The following LYPD6B variants were observed in gnomAD, a reference collection of about 807,000 sequenced individuals.
LYPD6B encodes the protein LY6/PLAUR domain containing 6B, also known as ly6/PLAUR domain-containing protein 6B.
LYPD6B carries 17 observed loss-of-function variants against 22.8 expected under a neutral mutation model. The ratio of observed to expected loss-of-function variants is 0.75; its 90% CI spans 0.51 to 1.12. The LOEUF (loss-of-function observed/expected upper bound fraction) is 1.12. LYPD6B is among the 50% of genes most tolerant of loss of function. LYPD6B has a pLI of 0.00. For synonymous variants in LYPD6B, 106 were observed against 91.6 expected, an observed-to-expected ratio of 1.16 and a Z score of -0.90; for missense variants, 221 against 258.3, an observed-to-expected ratio of 0.86 and a Z score of 0.99.
In LYPD6B at chr2:149,142,067, A is replaced by G. The variant is rs1395561622; in HGVS notation, c.5+11114A>G. ...TATCATTTACCTTATGGATTCCTGT[A>G]TATGCAACCCTGCCCATGCTGCATA... is the stretch of plus-strand genomic sequence containing the variant. On this transcript the variant is annotated intron_variant, in intron 2 of 6. Transcript: ENST00000409642. The G allele has an allele frequency of 5.3e-5, 8 of 152,230 alleles. No homozygotes were observed. In the East Asian group the frequency reaches 1.5e-3, roughly 29 times the overall value. 9.4% of individuals were successfully genotyped at this position (152,230 alleles called of 1,614,324 possible).
intron 3 of LYPD6B, among the ~76,000 whole-genome samples, chr2:149,192,010 G>A (rs1692525150): frequency 6.6e-6 from 1 of 152,152 alleles, no homozygotes; most frequent in South Asian, 2.1e-4. Flanking sequence ...GGTAGAGATG[G>A]CTGAAATATT....
intron 3 of LYPD6B, among the ~76,000 whole-genome samples, chr2:149,174,681 G>A (rs183937497): frequency 2.0e-5 from 3 of 151,814 alleles, no homozygotes; most frequent in Non-Finnish European, 2.9e-5. Flanking sequence ...ATGATGAATC[G>A]CATTAATTGA....
chr2:149,090,971 C>G (rs1173076741), intron 1 of LYPD6B, among the ~76,000 whole-genome samples: 5 of 152,050 alleles, frequency 3.3e-5, no homozygotes, highest in African/African-American at 7.2e-5. Context: ...TTGTTCTGGT[C>G]CATTCAAATT....
At chr2:149,119,518 C>T (rs752762287) in intron 1 of LYPD6B, among the ~76,000 whole-genome samples, 31 of 152,174 alleles carry the variant, frequency 2.0e-4, no homozygotes, top group Non-Finnish European at 4.1e-4. Flanking sequence ...ACCTTTGTGA[C>T]GTGAACACAT....
chr2:149,067,803 T>C (rs1684409715), intron 1 of LYPD6B, among the ~76,000 whole-genome samples: 1 of 152,164 alleles, frequency 6.6e-6, no homozygotes, highest in Non-Finnish European at 1.5e-5. Flanking sequence ...ATTATCTTCT[T>C]AGTGCAACAG....
intron 2 of LYPD6B, among the ~76,000 whole-genome samples, chr2:149,150,117 C>T (rs1355044783): frequency 6.6e-6 from 1 of 151,978 alleles, no homozygotes; most frequent in Non-Finnish European, 1.5e-5. Context: ...TATATCTTCT[C>T]ACTGTACCTA....
chr2:149,181,147 G>C (rs1691688430), intron 3 of LYPD6B, among the ~76,000 whole-genome samples: 1 of 152,128 alleles, frequency 6.6e-6, no homozygotes, highest in African/African-American at 2.4e-5. Flanking sequence ...CCCTTCATCT[G>C]TTGGAACTCC....
intron 2 of LYPD6B, among the ~76,000 whole-genome samples, chr2:149,157,934 C>T (rs985628598): frequency 1.3e-5 from 2 of 152,096 alleles, no homozygotes; most frequent in Admixed American, 6.6e-5. Flanking sequence ...ATCACTGGGT[C>T]GGGGGTCAGG....
intron 1 of LYPD6B, among the ~76,000 whole-genome samples, chr2:149,087,383 A>C (rs1462273964): frequency 6.6e-6 from 1 of 152,154 alleles, no homozygotes; most frequent in Non-Finnish European, 1.5e-5. Flanking sequence ...TATGTAAAGG[A>C]AGCAGTCATT....
intron 2 of LYPD6B, among the ~76,000 whole-genome samples, chr2:149,140,041 AC>A (rs991217687): frequency 6.6e-6 from 1 of 151,234 alleles, no homozygotes; most frequent in Admixed American, 6.6e-5. Flanking sequence ...TTTTTTCTTT[AC>A]TGGAACTGAA....
At chr2:149,142,475 C>T (rs577589272) in intron 2 of LYPD6B, among the ~76,000 whole-genome samples, 12 of 152,110 alleles carry the variant, frequency 7.9e-5, no homozygotes, top group East Asian at 5.8e-4. Context: ...GCCTGGGATA[C>T]GAGTGAAAGA....
intron 1 of LYPD6B, among the ~76,000 whole-genome samples, chr2:149,039,208 G>A (rs1036097002): frequency 6.6e-6 from 1 of 152,238 alleles, no homozygotes; most frequent in Non-Finnish European, 1.5e-5. Context: ...CGATCGTGGG[G>A]CCAAGAGCGA....
Position 149,214,777 on chromosome 2 carries a change from G to T in LYPD6B, c.*67G>T, listed in dbSNP as rs926846497. On this transcript the variant is annotated 3_prime_UTR_variant, in exon 7 of 7. Transcript: ENST00000409642. ...ACAAGCCAAAAACTGTGTGAACGGT[G>T]AACTTTGGAGTGAAGATCAATCTTG... 6 of 1,510,468 alleles carry T rather than the reference G, an allele frequency of 4.0e-6. 1 individual carries two copies. The highest frequency in any genetic ancestry group is 5.5e-6 in the Non-Finnish European group (6 of 1,089,514). The allele number at this position is 1,510,468 out of a possible 1,614,324, so 93.6% of individuals were successfully genotyped here.
At chr2:149,084,430 C>G (rs1685294460) in intron 1 of LYPD6B, among the ~76,000 whole-genome samples, 1 of 152,074 alleles carries the variant, frequency 6.6e-6, no homozygotes, top group Non-Finnish European at 1.5e-5. Flanking sequence ...ATTTTTGACA[C>G]TCTACTTGTC....
chr2:149,128,485 G>A lies in LYPD6B; in HGVS notation c.-66-2398G>A, dbSNP rs181046564. ...TCCACATTACTGTTGAGCAGTTACT[G>A]TAATTAGATGAGAGAGTCTCACAAG... On this transcript the variant is annotated intron_variant, in intron 1 of 6. Coordinates refer to ENST00000409642, the MANE Select transcript of LYPD6B (RefSeq NM_177964.5). Among the ~76,000 whole-genome samples the A allele has an allele frequency of 5.9e-4, 90 of 152,318 alleles. 1 individual carries two copies. The highest frequency in any genetic ancestry group is 2.1e-3 in the African/African-American group (86 of 41,578).
intron 3 of LYPD6B, among the ~76,000 whole-genome samples, chr2:149,191,676 T>A (rs1692499686): frequency 6.6e-6 from 1 of 152,148 alleles, no homozygotes; most frequent in South Asian, 2.1e-4. Context: ...ATTGAAAAAA[T>A]TATAATTTAC....
intron 3 of LYPD6B, among the ~76,000 whole-genome samples, chr2:149,188,166 G>C (rs758133776): frequency 2.0e-5 from 3 of 152,184 alleles, no homozygotes; most frequent in Non-Finnish European, 2.9e-5. Flanking sequence ...CAGTATAGGA[G>C]AGAGACAAGT....
chr2:149,044,135 T>C (rs1019393671), intron 1 of LYPD6B, among the ~76,000 whole-genome samples: 1 of 152,078 alleles, frequency 6.6e-6, no homozygotes, highest in Non-Finnish European at 1.5e-5. Flanking sequence ...ATATGAATTC[T>C]AGAATTAGTT....
chr2:149,154,799 G>C (rs187757667), intron 2 of LYPD6B, among the ~76,000 whole-genome samples: 1 of 152,222 alleles, frequency 6.6e-6, no homozygotes, highest in African/African-American at 2.4e-5. Context: ...ATCAGTAATT[G>C]AGCATTCACT....
Sources: gnomAD v4.1 joint callset for allele counts (sites outside exome capture counted in the v4.1 genomes callset) on GRCh38, gnomAD v4.1.1 for gene constraint, MANE v1.5 for transcripts, NCBI Gene and HGNC (gene_info 2026-07-23, HGNC 2026-07-21) for gene names.